The following RBFOX3 variants were observed in gnomAD, a reference collection of about 807,000 sequenced individuals.
The protein encoded by RBFOX3 is RNA binding fox-1 homolog 3.
RBFOX3 carries 17 observed loss-of-function variants against 48.7 expected under a neutral mutation model. That is an observed-to-expected ratio of 0.35 (90% CI 0.24 to 0.52). RBFOX3 has a LOEUF of 0.52. Among genes scored for constraint, RBFOX3 ranks in the 20% least tolerant of loss-of-function variants. RBFOX3 has a pLI of 0.94. For missense variants in RBFOX3, 382 were observed against 497.5 expected (o/e 0.77, Z 2.21); for synonymous variants, 212 against 209.5 (o/e 1.01, Z -0.10).
rs913746466 is a variant in RBFOX3 at position 79,249,073 on chromosome 17, G to C, written c.-73-13268C>G. Among the ~76,000 whole-genome samples, 1 of 152,144 alleles carries C rather than the reference G, an allele frequency of 6.6e-6. No homozygotes were observed. The highest frequency in any genetic ancestry group is 1.5e-5 in the Non-Finnish European group (1 of 68,026). On this transcript the variant is annotated intron_variant, in intron 3 of 14. Transcript: ENST00000693108. The surrounding 1 kb of genome is among the most constrained non-coding windows in gnomAD (Gnocchi z 4.1). ...ACCCAGAGCGAGGCTGCCTCCCCTG[G>C]GTCGGCAACGCCACCTCGCTTCCTG...
At chr17:79,571,219 G>T (rs1227168865) in intron 1 of RBFOX3, among the ~76,000 whole-genome samples, 2 of 152,100 alleles carry the variant, frequency 1.3e-5, no homozygotes, top group African/African-American at 4.8e-5. Context: ...AGCATCTCTG[G>T]GTTCTTGAAA....
chr17:79,442,403 AAGAGAGAC>A (rs2071328876), intron 2 of RBFOX3, among the ~76,000 whole-genome samples: 5 of 63,694 alleles, frequency 7.9e-5, no homozygotes, highest in African/African-American at 3.3e-4. Context: ...GAGAGAGAGA[AAGAGAGAC>A]AGAGAGAGAG....
At chr17:79,370,793 G>T (rs550332287) in intron 2 of RBFOX3, among the ~76,000 whole-genome samples, 31 of 152,038 alleles carry the variant, frequency 2.0e-4, no homozygotes, top group Admixed American at 6.5e-4. Flanking sequence ...CATACACCTT[G>T]ACTTGCAGTC....
chr17:79,596,740 T>A (rs2093580067), intron 1 of RBFOX3, among the ~76,000 whole-genome samples: 4 of 152,108 alleles, frequency 2.6e-5, no homozygotes, highest in African/African-American at 9.7e-5. Flanking sequence ...TCAGGATCTG[T>A]GATTTTTTGC....
chr17:79,198,857 G>A lies in RBFOX3; in HGVS notation c.-34+36909C>T, dbSNP rs1224241818. 6.6e-6 allele frequency among the ~76,000 whole-genome samples: 1 copy of A among 152,124 alleles called. No individual in the cohort carries two copies. Among genetic ancestry groups the A allele is most frequent in the Middle Eastern group, 3.2e-3 (1 of 316 alleles). Reference sequence around the variant, plus strand: ...TTGGCCAGGCTAATCTCGAACTCCTGACCTCAGGTGATCCACTCGCCTCGG... The same window carrying A: ...TTGGCCAGGCTAATCTCGAACTCCTAACCTCAGGTGATCCACTCGCCTCGG... On this transcript the variant is annotated intron_variant, in intron 4 of 14. Coordinates refer to ENST00000693108, the MANE Select transcript of RBFOX3 (RefSeq NM_001350451.2). This position sits in a 1 kb window ranked among gnomAD's most constrained non-coding sequence, Gnocchi z 8.2.
At chr17:79,462,724 G>A (rs537980954) in intron 2 of RBFOX3, among the ~76,000 whole-genome samples, 180 of 152,154 alleles carry the variant, frequency 1.2e-3, no homozygotes, top group Non-Finnish European at 2.2e-3. Flanking sequence ...GAAGCAAGAC[G>A]TAAAGATGAA....
intron 14 of RBFOX3, chr17:79,092,563 T>G (rs866098719): frequency 1.0e-6 from 1 of 983,324 alleles, no homozygotes; most frequent in Non-Finnish European, 1.2e-6. Flanking sequence ...TAATAGGCAG[T>G]CAGTGTGAAT....
chr17:79,577,186 G>A (rs1457238305), intron 1 of RBFOX3, among the ~76,000 whole-genome samples: 1 of 152,180 alleles, frequency 6.6e-6, no homozygotes, highest in Non-Finnish European at 1.5e-5. Context: ...GGACGTGTCT[G>A]TCTTCCAATG....
At chr17:79,161,816 A>G (rs1003749307) in intron 4 of RBFOX3, among the ~76,000 whole-genome samples, 2 of 152,128 alleles carry the variant, frequency 1.3e-5, no homozygotes, top group Non-Finnish European at 2.9e-5. Context: ...GCTGGTCTCA[A>G]ACTCCTGACC....
chr17:79,224,083 C>T (rs949727520), intron 4 of RBFOX3, among the ~76,000 whole-genome samples: 1 of 152,156 alleles, frequency 6.6e-6, no homozygotes, highest in Non-Finnish European at 1.5e-5. Context: ...TGGGCAGATT[C>T]TTCTTTCCCA....
At chr17:79,227,675 A>C (rs1158979480) in intron 4 of RBFOX3, among the ~76,000 whole-genome samples, 2 of 152,294 alleles carry the variant, frequency 1.3e-5, no homozygotes, top group East Asian at 3.9e-4. Flanking sequence ...GATGGCCAAG[A>C]GGCAAAAAGC....
intron 2 of RBFOX3, among the ~76,000 whole-genome samples, chr17:79,319,319 C>T (rs935445256): frequency 6.6e-6 from 1 of 152,080 alleles, no homozygotes; most frequent in Non-Finnish European, 1.5e-5. Flanking sequence ...AAGGAAGAGG[C>T]GAGGAAGGTA....
In RBFOX3 at chr17:79,480,915, T is replaced by A. The variant is rs1207196746; in HGVS notation, c.-175+1539A>T. 6.6e-6 allele frequency among the ~76,000 whole-genome samples: 1 copy of A among 152,170 alleles called. No individual in the cohort carries two copies. Among genetic ancestry groups the A allele is most frequent in the South Asian group, 2.1e-4 (1 of 4,828 alleles). On this transcript the variant is annotated intron_variant, in intron 2 of 14. Transcript: ENST00000693108. This position sits in a 1 kb window ranked among gnomAD's most constrained non-coding sequence, Gnocchi z 4.8. ...CCATGAGGGCCAGAACTTGACCTTG[T>A]CTCCACTGCGTCTCCAGCACCCCAA...
intron 2 of RBFOX3, among the ~76,000 whole-genome samples, chr17:79,344,153 T>C (rs553442638): frequency 1.3e-5 from 2 of 152,310 alleles, no homozygotes; most frequent in African/African-American, 4.8e-5. Context: ...AGGATGCTCA[T>C]ACACAGCTAG....
chr17:79,649,680 G>T, the RBFOX3 span, among the ~76,000 whole-genome samples: 307 of 152,226 alleles, frequency 2.0e-3, 1 homozygote, highest in Non-Finnish European at 3.8e-3. Context: ...CACTTCAGCC[G>T]ACAGAGCAAC....
intron 3 of RBFOX3, among the ~76,000 whole-genome samples, chr17:79,276,528 A>G (rs4396566): frequency 0.15 from 22,238 of 152,042 alleles, 1,887 homozygotes; most frequent in African/African-American, 0.23. Flanking sequence ...TCTACTAAAA[A>G]TACAAAATCA....
intron 4 of RBFOX3, among the ~76,000 whole-genome samples, chr17:79,211,057 C>T (rs2058314302): frequency 6.6e-6 from 1 of 151,448 alleles, no homozygotes; most frequent in South Asian, 2.1e-4. Flanking sequence ...GCGGCTTGGG[C>T]AGAGGGTGCA....
chr17:79,354,278 G>A lies in RBFOX3; in HGVS notation c.-174-46454C>T, dbSNP rs370888249. 3.9e-5 allele frequency among the ~76,000 whole-genome samples: 6 copies of A among 152,178 alleles called. No individual in the cohort carries two copies. In the South Asian group the frequency reaches 8.3e-4, roughly 21 times the overall value. ...CCACCATTCTAGTGTCATGCATGGC[G>A]GTGTCACCGCCCTAAAGAGCCTCTG... is the stretch of plus-strand genomic sequence containing the variant. On this transcript the variant is annotated intron_variant, in intron 2 of 14. Transcript: ENST00000693108.
chr17:79,408,138 G>T (rs1360944113), intron 2 of RBFOX3, among the ~76,000 whole-genome samples: 1 of 152,258 alleles, frequency 6.6e-6, no homozygotes, highest in Middle Eastern at 3.4e-3. Context: ...GGGGGAGAAG[G>T]AGCACTCGCC....
Sources: gnomAD v4.1 joint callset for allele counts (sites outside exome capture counted in the v4.1 genomes callset) on GRCh38, gnomAD v4.1.1 for gene constraint, Gnocchi (gnomAD v3.1) non-coding constraint, MANE v1.5 for transcripts, NCBI Gene and HGNC (gene_info 2026-07-23, HGNC 2026-07-21) for gene names.